KIF24: variants seen among roughly 807,000 people sequenced by gnomAD.
KIF24 encodes kinesin-like protein KIF24.
Under a neutral mutation model 118.9 loss-of-function variants are expected in KIF24, and 81 were observed. The observed-to-expected ratio is 0.68, with a 90% CI of 0.57 to 0.82. KIF24 has a LOEUF of 0.82. Ranked by LOEUF, KIF24 falls within the 40% of genes least tolerant of loss-of-function variation. The probability of loss-of-function intolerance (pLI) is 0.00; values close to 1 mark genes in which losing one functional copy is unlikely to be tolerated. For missense variants in KIF24, 1,560 were observed against 1,661.6 expected (o/e 0.94, Z 1.06); for synonymous variants, 599 against 610.0 (o/e 0.98, Z 0.27).
At chr9:34,302,096 G>A (rs7029486) in intron 3 of KIF24, among the ~76,000 whole-genome samples, 4,003 of 148,624 alleles carry the variant, frequency 0.027, 187 homozygotes, top group African/African-American at 0.094. Context: ...CTGGGTTCAC[G>A]CCATTCTCCT....
chr9:34,279,202 A>G (rs1587932054), intron 6 of KIF24, among the ~76,000 whole-genome samples: 1 of 152,296 alleles, frequency 6.6e-6, no homozygotes. Context: ...ATCATACTAT[A>G]AATTTTATGT....
Position 34,329,231 on chromosome 9 carries a change from G to GC in KIF24, c.-152dup, listed in dbSNP as rs1207537959. Reference sequence around the variant, plus strand: ...GGGAGCCACCGGCGGCGGCCAGGCCGCATCTCCATGGCAACGCCGCCAAGC... The same window carrying GC: ...GGGAGCCACCGGCGGCGGCCAGGCCGCCATCTCCATGGCAACGCCGCCAAGC... On this transcript the variant is annotated 5_prime_UTR_variant, in exon 1 of 13. The change abolishes the stop of an existing upstream ORF in the 5' untranslated region. Transcript: ENST00000402558. Among the ~76,000 whole-genome samples, 3 of 152,236 alleles carry GC rather than the reference G, an allele frequency of 2.0e-5. No individual in the cohort carries two copies. Among genetic ancestry groups the GC allele is most frequent in the Non-Finnish European group, 4.4e-5 (3 of 68,046 alleles).
Position 34,318,834 on chromosome 9 carries a change from A to G in KIF24, c.-25-7463T>C. 6.3e-7 allele frequency: 1 copy of G among 1,599,492 alleles called. No individual in the cohort carries two copies. The highest frequency in any genetic ancestry group is 8.6e-7 in the Non-Finnish European group (1 of 1,168,296). On this transcript the variant is annotated intron_variant, in intron 1 of 12. Coordinates refer to ENST00000402558, the MANE Select transcript of KIF24 (RefSeq NM_194313.4). This position sits in a 1 kb window ranked among gnomAD's most constrained non-coding sequence, Gnocchi z 4.9. ...GGACCCAGCTCAGTGAGTTTCGCTG[A>G]TGACTTCGTGCGCAGCAGCAAGCAG...
At position 34,280,140 on chromosome 9, in the gene KIF24, C is replaced by T. The variant is rs547804932; in HGVS notation, c.1215+6477G>A. ...TCTACTAAAAATACAAAAAATTAGCCGGGCGTAGTGGCGGGCGCCTGTAGT... is the reference window on the plus strand; with the variant it reads ...TCTACTAAAAATACAAAAAATTAGCTGGGCGTAGTGGCGGGCGCCTGTAGT... On this transcript the variant is annotated intron_variant, in intron 6 of 12. Transcript: ENST00000402558. Among the ~76,000 whole-genome samples, 640 of 151,160 alleles carry T rather than the reference C, an allele frequency of 4.2e-3. 4 individuals carry two copies. Among genetic ancestry groups the T allele is most frequent in the African/African-American group, 0.011 (447 of 41,212 alleles).
chr9:34,262,675 AATATATATATATATAT>A (rs1428160924), intron 9 of KIF24, among the ~76,000 whole-genome samples: 387 of 27,028 alleles, frequency 0.014, 6 homozygotes, highest in Non-Finnish European at 0.017. Flanking sequence ...AAAAAAAAAA[AATATATATATATATAT>A]ATATATATAT....
rs775735048 is a variant in KIF24 at position 34,271,819 on chromosome 9, T to A, written c.1327A>T (p.Thr443Ser). ...QIQIKDSAKRTFGRISFIDLA... is the reference protein window; with the variant it reads ...QIQIKDSAKRSFGRISFIDLA... ...ATATTTCCAGCTCACCTGCCAAATG[T>A]CCTCTTGGCTGAATCTTTGATCTGA... The change falls in exon 7 of 13, where the codon ACA (threonine) becomes TCA (serine). Residue 443 changes from threonine to serine, a missense_variant. By Grantham distance (58) the Thr-to-Ser change is moderately conservative. Transcript: ENST00000402558. 1 of 1,612,870 alleles carries A rather than the reference T, an allele frequency of 6.2e-7. No individual in the cohort carries two copies. Among genetic ancestry groups the A allele is most frequent in the Non-Finnish European group, 8.5e-7 (1 of 1,179,542 alleles).
At chr9:34,315,734 A>C (rs1837308047) in intron 1 of KIF24, among the ~76,000 whole-genome samples, 2 of 152,272 alleles carry the variant, frequency 1.3e-5, no homozygotes, top group South Asian at 2.1e-4. Context: ...TTCATTTAAA[A>C]TATTTAGAAA....
Position 34,256,687 on chromosome 9 carries a change from C to T in KIF24, c.2920G>A (p.Glu974Lys). 1 of 1,613,994 alleles carries T rather than the reference C, an allele frequency of 6.2e-7. No homozygotes were observed. Among genetic ancestry groups the T allele is most frequent in the Non-Finnish European group, 8.5e-7 (1 of 1,179,890 alleles). The change falls in exon 11 of 13, where the codon GAG (glutamate) becomes AAG (lysine). Residue 974 changes from glutamate (E) to lysine (K), a missense_variant. Physicochemically the swap from Glu to Lys is moderately conservative, Grantham distance 56. Coordinates refer to ENST00000402558, the MANE Select transcript of KIF24 (RefSeq NM_194313.4). Reference sequence around the variant, plus strand: ...TCCTCTGGGGATGGCAAGTTGCCCTCATTCTCCCCAGAAACCTCACTTTGG... The same window carrying T: ...TCCTCTGGGGATGGCAAGTTGCCCTTATTCTCCCCAGAAACCTCACTTTGG... ...ASQSEVSGEN[E>K]GNLPSPEEDG...
rs1300725011 is a variant in KIF24 at position 34,262,712 on chromosome 9, ATG to A, written c.1515+387_1515+388del. Among the ~76,000 whole-genome samples, 335 of 50,260 alleles carry A rather than the reference ATG, an allele frequency of 6.7e-3. 25 individuals carry two copies. The highest frequency in any genetic ancestry group is 0.025 in the East Asian group (7 of 278). The allele number at this position is 50,260 out of a possible 152,430, so 33.0% of individuals were successfully genotyped here. A position where few individuals can be genotyped will look rare whatever the true frequency, so the allele number is the denominator to read the frequency against. On this transcript the variant is annotated intron_variant, in intron 9 of 12. Transcript: ENST00000402558. ...TATATATATATATATATATATATATATGGCCAGGCATGATGGCATATGCCTGT... is the reference window on the plus strand; with the variant it reads ...TATATATATATATATATATATATATAGCCAGGCATGATGGCATATGCCTGT...
chr9:34,277,320 G>C (rs1239759563), intron 6 of KIF24, among the ~76,000 whole-genome samples: 1 of 152,080 alleles, frequency 6.6e-6, no homozygotes, highest in Non-Finnish European at 1.5e-5. Context: ...GAGAAGCTAA[G>C]TGACTTATAC....
At chr9:34,290,841 C>A (rs1454381714) in intron 4 of KIF24, among the ~76,000 whole-genome samples, 1 of 152,134 alleles carries the variant, frequency 6.6e-6, no homozygotes, top group African/African-American at 2.4e-5. Flanking sequence ...CTCAAATGAT[C>A]TGCCCACCTC....
At chr9:34,268,727 C>T (rs140301221) in intron 8 of KIF24, among the ~76,000 whole-genome samples, 4 of 151,182 alleles carry the variant, frequency 2.6e-5, no homozygotes, top group Admixed American at 6.6e-5. Context: ...AGTCTTGTCT[C>T]GAACTCCTGA....
At chr9:34,304,997 A>G (rs1360980454) in intron 3 of KIF24, among the ~76,000 whole-genome samples, 1 of 152,208 alleles carries the variant, frequency 6.6e-6, no homozygotes, top group Non-Finnish European at 1.5e-5. Context: ...ATTCAGAGTA[A>G]GAGAAACTGT....
chr9:34,328,866 T>C (rs1173684230), intron 1 of KIF24, among the ~76,000 whole-genome samples: 1 of 152,136 alleles, frequency 6.6e-6, no homozygotes. Context: ...GAGTTTAGTC[T>C]CCCAAAGTGA....
intron 1 of KIF24, chr9:34,319,335 A>C: frequency 1.1e-6 from 1 of 886,026 alleles, no homozygotes; most frequent in East Asian, 2.4e-5. Flanking sequence ...GGGTGGTGGA[A>C]GTTCCCATGA....
At position 34,252,778 on chromosome 9, in the gene KIF24, T is replaced by C. The variant is rs1012035737; in HGVS notation, c.*1602A>G. On this transcript the variant is annotated 3_prime_UTR_variant, in exon 13 of 13. Coordinates refer to ENST00000402558, the MANE Select transcript of KIF24 (RefSeq NM_194313.4). ...GACGTAGGCCTTCCTGACTGTGGAG[T>C]TGGGATAGGCTGGGCCTTCAGGGGG... is the stretch of plus-strand genomic sequence containing the variant. 41 of 152,088 alleles carry C rather than the reference T, an allele frequency of 2.7e-4. No individual in the cohort carries two copies. Among genetic ancestry groups the C allele is most frequent in the African/African-American group, 9.7e-4 (40 of 41,378 alleles). The allele number at this position is 152,088 out of a possible 1,614,324, so 9.4% of individuals were successfully genotyped here.
intron 1 of KIF24, among the ~76,000 whole-genome samples, chr9:34,322,312 A>G (rs915341259): frequency 4.6e-5 from 7 of 152,208 alleles, no homozygotes; most frequent in Non-Finnish European, 7.4e-5. Flanking sequence ...CCCAGTACCC[A>G]GTGGTAGTCA....
At chr9:34,258,552 G>A (rs945382239) in intron 10 of KIF24, among the ~76,000 whole-genome samples, 1 of 152,196 alleles carries the variant, frequency 6.6e-6, no homozygotes, top group African/African-American at 2.4e-5. Context: ...GAAGCCTTTT[G>A]GAAATCACCA....
rs574140739 is a variant in KIF24, at chr9:34,253,768, T to G, written c.*612A>C. ...GTAAATATAAGGCCTGTCTCACATC[T>G]GCTGCTGTCAGTGACACATCAAGTC... is the stretch of plus-strand genomic sequence containing the variant. On this transcript the variant is annotated 3_prime_UTR_variant, in exon 13 of 13. Coordinates refer to ENST00000402558, the MANE Select transcript of KIF24 (RefSeq NM_194313.4). The G allele has an allele frequency of 6.6e-6, 1 of 152,368 alleles. No homozygotes were observed. Among genetic ancestry groups the G allele is most frequent in the East Asian group, 1.9e-4 (1 of 5,188 alleles). The allele number at this position is 152,368 out of a possible 1,614,324, so 9.4% of individuals were successfully genotyped here.
Sources: gnomAD v4.1 joint callset for allele counts (sites outside exome capture counted in the v4.1 genomes callset) on GRCh38, gnomAD v4.1.1 for gene constraint, Gnocchi (gnomAD v3.1) non-coding constraint, MANE v1.5 for transcripts, NCBI Gene and HGNC (gene_info 2026-07-23, HGNC 2026-07-21) for gene names.